SEMA3A: variants seen among roughly 807,000 people sequenced by gnomAD.
SEMA3A encodes semaphorin 3A, also known as semaphorin-3A.
Under a neutral mutation model 97.9 loss-of-function variants are expected in SEMA3A, and 29 were observed. The ratio of observed to expected loss-of-function variants is 0.30; its 90% CI spans 0.22 to 0.40. The LOEUF is 0.40. Ranked by LOEUF, SEMA3A falls within the 10% of genes least tolerant of loss-of-function variation. The pLI, the probability that SEMA3A is intolerant of heterozygous loss-of-function variation, is 1.00. For missense variants in SEMA3A, 763 were observed against 951.3 expected (o/e 0.80, Z 2.60); for synonymous variants, 321 against 323.7 (o/e 0.99, Z 0.09).
At chr7:84,113,650 CA>C (rs936319530) in intron 3 of SEMA3A, among the ~76,000 whole-genome samples, 2 of 152,132 alleles carry the variant, frequency 1.3e-5, no homozygotes, top group Non-Finnish European at 2.9e-5. Context: ...ATTCATTTTT[CA>C]AACCTTGATC....
chr7:84,377,543 C>G (rs1254294230), intron 1 of SEMA3A, among the ~76,000 whole-genome samples: 1 of 151,986 alleles, frequency 6.6e-6, no homozygotes, highest in South Asian at 2.1e-4. Flanking sequence ...TGTGGTGCCT[C>G]CAGCTTTGTT....
rs1033689574 is a variant in SEMA3A, at chr7:83,960,157, T to C, written c.*1214A>G. On this transcript the variant is annotated 3_prime_UTR_variant, in exon 17 of 17. Transcript: ENST00000265362. ...TATTGATCTCTCTCTTTTAAAAAAA[T>C]TAAGTGACACAGATATAATTCTTGG... 5 of 152,050 alleles carry C rather than the reference T, an allele frequency of 3.3e-5. No individual in the cohort carries two copies. Among genetic ancestry groups the C allele is most frequent in the Admixed American group, 2.6e-4 (4 of 15,244 alleles). The allele number at this position is 152,050 out of a possible 1,614,324, so 9.4% of individuals were successfully genotyped here.
At chr7:84,203,492 T>TTGTGTG (rs200700704) in intron 3 of SEMA3A, among the ~76,000 whole-genome samples, 272 of 123,988 alleles carry the variant, frequency 2.2e-3, no homozygotes, top group African/African-American at 8.2e-3. Context: ...AAGTATTTCT[T>TTGTGTG]TGTGTGTGTG....
At chr7:83,968,742 A>C (rs187747963) in intron 15 of SEMA3A, among the ~76,000 whole-genome samples, 16 of 151,488 alleles carry the variant, frequency 1.1e-4, no homozygotes, top group African/African-American at 3.1e-4. Flanking sequence ...TCATTTAGCA[A>C]ATTTTAGACA....
intron 4 of SEMA3A, among the ~76,000 whole-genome samples, chr7:84,087,136 G>A (rs1169150595): frequency 6.6e-6 from 1 of 151,916 alleles, no homozygotes. Flanking sequence ...TTACGTTGTT[G>A]CATCCATTTA....
chr7:84,345,304 A>C (rs550181254), intron 2 of SEMA3A, among the ~76,000 whole-genome samples: 7 of 152,306 alleles, frequency 4.6e-5, no homozygotes, highest in African/African-American at 1.7e-4. Context: ...TGTTGGTAGG[A>C]GGTCTTGCCT....
chr7:84,147,464 G>A lies in SEMA3A; in HGVS notation c.113-12513C>T, dbSNP rs140895371. On this transcript the variant is annotated intron_variant, in intron 1 of 16. Coordinates refer to ENST00000265362, the MANE Select transcript of SEMA3A (RefSeq NM_006080.3). Reference sequence around the variant, plus strand: ...GAACATATTCCTATCAGTGTTCATGGGTGTCCCTTTTTTATGTGAGGCAAG... The same window carrying A: ...GAACATATTCCTATCAGTGTTCATGAGTGTCCCTTTTTTATGTGAGGCAAG... Among the ~76,000 whole-genome samples, 505 of 152,216 alleles carry A rather than the reference G, an allele frequency of 3.3e-3. 1 individual carries two copies. The highest frequency in any genetic ancestry group is 0.012 in the African/African-American group (479 of 41,536).
chr7:84,329,685 G>T (rs1801866023), intron 2 of SEMA3A, among the ~76,000 whole-genome samples: 1 of 151,952 alleles, frequency 6.6e-6, no homozygotes, highest in South Asian at 2.1e-4. Context: ...TAAGATGGAG[G>T]CCGTAGTTTT....
intron 1 of SEMA3A, among the ~76,000 whole-genome samples, chr7:84,409,368 T>C (rs2116244400): frequency 6.6e-6 from 1 of 152,100 alleles, no homozygotes; most frequent in South Asian, 2.1e-4. Context: ...TATAATTATC[T>C]AGTGTTCTAT....
chr7:84,196,899 T>C (rs1206270030), upstream of SEMA3A, among the ~76,000 whole-genome samples: 1 of 152,138 alleles, frequency 6.6e-6, no homozygotes, highest in African/African-American at 2.4e-5. Context: ...TTTTCTAGAA[T>C]AGAAGAGCAA....
chr7:84,381,076 G>T (rs145612117), intron 1 of SEMA3A, among the ~76,000 whole-genome samples: 1 of 152,286 alleles, frequency 6.6e-6, no homozygotes, highest in East Asian at 1.9e-4. Context: ...TTGCCTACCA[G>T]ATCCTACATA....
intron 4 of SEMA3A, among the ~76,000 whole-genome samples, chr7:84,062,431 T>A (rs993726617): frequency 2.0e-5 from 3 of 152,214 alleles, no homozygotes; most frequent in Non-Finnish European, 4.4e-5. Context: ...GATGGCCGAA[T>A]AGGAACAGCT....
intron 1 of SEMA3A, among the ~76,000 whole-genome samples, chr7:84,393,480 C>T (rs760395058): frequency 2.0e-5 from 3 of 152,110 alleles, no homozygotes; most frequent in Non-Finnish European, 4.4e-5. Context: ...TAGCATGGTA[C>T]TAGCATAAAA....
intron 1 of SEMA3A, among the ~76,000 whole-genome samples, chr7:84,149,486 T>C (rs1304950449): frequency 6.6e-6 from 1 of 152,186 alleles, no homozygotes; most frequent in Non-Finnish European, 1.5e-5. Flanking sequence ...ACCCATTAAA[T>C]CAAGCACACC....
intron 1 of SEMA3A, among the ~76,000 whole-genome samples, chr7:84,483,145 T>C (rs1806488605): frequency 6.6e-6 from 1 of 152,154 alleles, no homozygotes; most frequent in Non-Finnish European, 1.5e-5. Context: ...GCCATGCTAG[T>C]CCTTAAAATT....
At chr7:84,405,428 TC>T (rs1804051806) in intron 1 of SEMA3A, among the ~76,000 whole-genome samples, 1 of 152,078 alleles carries the variant, frequency 6.6e-6, no homozygotes, top group African/African-American at 2.4e-5. Context: ...AGACTTAGAC[TC>T]CCACACAACA....
chr7:84,234,626 A>G (rs1024445956), intron 3 of SEMA3A, among the ~76,000 whole-genome samples: 2 of 151,972 alleles, frequency 1.3e-5, no homozygotes, highest in African/African-American at 4.8e-5. Context: ...TTCAACTCCA[A>G]AGACCTCGAT....
intron 6 of SEMA3A, 25 bp downstream of exon 6, chr7:84,046,299 C>T: frequency 1.2e-6 from 2 of 1,610,834 alleles, no homozygotes; most frequent in Non-Finnish European, 1.7e-6. Context: ...TGTTACATGT[C>T]TATGTTCTTT....
intron 2 of SEMA3A, among the ~76,000 whole-genome samples, chr7:84,336,270 T>C (rs1188161161): frequency 6.6e-6 from 1 of 152,158 alleles, no homozygotes; most frequent in Non-Finnish European, 1.5e-5. Flanking sequence ...ACAAAAAATG[T>C]TGGATGGAAA....
Sources: gnomAD v4.1 joint callset for allele counts (sites outside exome capture counted in the v4.1 genomes callset) on GRCh38, gnomAD v4.1.1 for gene constraint, MANE v1.5 for transcripts, NCBI Gene and HGNC (gene_info 2026-07-23, HGNC 2026-07-21) for gene names.